The following SUGP1 variants were observed in gnomAD, a reference collection of about 807,000 sequenced individuals.
SUGP1 encodes SURP and G-patch domain containing 1, also known as SURP and G-patch domain-containing protein 1.
Under a neutral mutation model 76.5 loss-of-function variants are expected in SUGP1, and 34 were observed. That is an observed-to-expected ratio of 0.44 (90% confidence interval 0.34 to 0.59). SUGP1 has a LOEUF of 0.59. SUGP1 is among the 20% of genes least tolerant of loss of function. The pLI, the probability that SUGP1 is intolerant of heterozygous loss-of-function variation, is 0.01. For synonymous variants in SUGP1, 326 were observed against 326.2 expected, an observed-to-expected ratio of 1.00 and a Z score of 0.01; for missense variants, 752 against 851.7, an observed-to-expected ratio of 0.88 and a Z score of 1.46.
In SUGP1 at chr19:19,278,031, C is replaced by A. The variant is rs1177213281; in HGVS notation, c.1636-152G>T. The A allele has an allele frequency of 5.2e-6, 5 of 961,866 alleles. No homozygotes were observed. The East Asian group carries it at 1.0e-4, about 20-fold the overall frequency. 59.6% of individuals were successfully genotyped at this position (961,866 alleles called of 1,614,324 possible). A position where few individuals can be genotyped will look rare whatever the true frequency, so the allele number is the denominator to read the frequency against. On this transcript the variant is annotated intron_variant, in intron 11 of 13. Transcript: ENST00000247001. Reference sequence around the variant, plus strand: ...TCAGACTCCTTGAGAACAAACAGACCAAGCTCCTCCTGCTTCTCAGGGTCC... The same window carrying A: ...TCAGACTCCTTGAGAACAAACAGACAAAGCTCCTCCTGCTTCTCAGGGTCC...
chr19:19,303,658 C>T, intron 5 of SUGP1, 66 bp downstream of exon 5: 11 of 1,583,268 alleles, frequency 6.9e-6, no homozygotes, highest in Non-Finnish European at 9.5e-6. Context: ...GCACCCAGCC[C>T]CACACGTGCG....
chr19:19,282,707 T>C (rs1489891617), intron 8 of SUGP1, among the ~76,000 whole-genome samples: 1 of 151,968 alleles, frequency 6.6e-6, no homozygotes, highest in East Asian at 1.9e-4. Context: ...ATTGAAAAAA[T>C]TTTTGGAGAT....
At chr19:19,279,487 G>T in intron 9 of SUGP1, 97 bp from the exon 10 acceptor site, 1 of 1,369,574 alleles carries the variant, frequency 7.3e-7, no homozygotes, top group Non-Finnish European at 9.8e-7. Context: ...ATCCCCCGCC[G>T]GAACGTGGCT....
At chr19:19,301,497 C>A (rs997810473) in intron 7 of SUGP1, among the ~76,000 whole-genome samples, 1 of 152,218 alleles carries the variant, frequency 6.6e-6, no homozygotes, top group South Asian at 2.1e-4. Flanking sequence ...GTGATGAAGT[C>A]TAGGGCTGCT....
At chr19:19,292,899 T>TA (rs1436593833) in intron 8 of SUGP1, among the ~76,000 whole-genome samples, 1 of 152,026 alleles carries the variant, frequency 6.6e-6, no homozygotes, top group Non-Finnish European at 1.5e-5. Context: ...ACGATGATTT[T>TA]ATGTATTTAT....
chr19:19,289,365 G>A (rs920112056), intron 8 of SUGP1, among the ~76,000 whole-genome samples: 4 of 151,990 alleles, frequency 2.6e-5, no homozygotes, highest in African/African-American at 9.7e-5. Context: ...ACTTTGGGAG[G>A]CCGAGGCGGG....
intron 13 of SUGP1, 85 bp from the exon 14 acceptor site, chr19:19,276,759 C>A: frequency 6.3e-7 from 1 of 1,598,712 alleles, no homozygotes; most frequent in Non-Finnish European, 8.5e-7. Flanking sequence ...CCGGAGGCAG[C>A]TGAGCCCGCA....
chr19:19,303,939 G>C lies in SUGP1; in HGVS notation c.539-92C>G, dbSNP rs529571766. ...TATGGACCACAACGACAGAGGGGGT[G>C]GGGGGAGAAGAGTGTGAGATGCAGG... is the stretch of plus-strand genomic sequence containing the variant. On this transcript the variant is annotated intron_variant, in intron 4 of 13. Transcript: ENST00000247001. The C allele has an allele frequency of 1.9e-4, 303 of 1,601,344 alleles. 1 individual carries two copies. The South Asian group carries it at 2.9e-3, about 15-fold the overall frequency.
intron 8 of SUGP1, among the ~76,000 whole-genome samples, chr19:19,282,056 T>G (rs913741978): frequency 6.6e-6 from 1 of 152,194 alleles, no homozygotes; most frequent in Non-Finnish European, 1.5e-5. Flanking sequence ...CTTGGCTCAC[T>G]GCAACCTCCG....
intron 7 of SUGP1, 172 bp downstream of exon 7, chr19:19,302,093 G>A: frequency 9.7e-7 from 1 of 1,027,834 alleles, no homozygotes; most frequent in South Asian, 1.6e-5. Context: ...TGTGTGCGTG[G>A]GACATGCCTG....
chr19:19,299,422 G>A (rs1267001885), intron 7 of SUGP1, among the ~76,000 whole-genome samples: 3 of 151,994 alleles, frequency 2.0e-5, no homozygotes, highest in Non-Finnish European at 2.9e-5. Flanking sequence ...GCCCAGGCTG[G>A]AGTGCAGTGG....
rs1317088403 is a variant in SUGP1 at position 19,310,725 on chromosome 19, C to G, written c.207-525G>C. Among the ~76,000 whole-genome samples, 3 of 152,274 alleles carry G rather than the reference C, an allele frequency of 2.0e-5. No homozygotes were observed. In the East Asian group the frequency reaches 5.8e-4, roughly 29 times the overall value. Reference sequence around the variant, plus strand: ...GTGGGGCAATCTTGGCTCACTGCAACCTCCTCCACCCAGGCTCAAGAGATT... The same window carrying G: ...GTGGGGCAATCTTGGCTCACTGCAAGCTCCTCCACCCAGGCTCAAGAGATT... On this transcript the variant is annotated intron_variant, in intron 2 of 13. Coordinates refer to ENST00000247001, the MANE Select transcript of SUGP1 (RefSeq NM_172231.4).
chr19:19,316,232 T>C (rs1403813274), intron 2 of SUGP1, 190 bp downstream of exon 2: 2 of 688,006 alleles, frequency 2.9e-6, no homozygotes, highest in Non-Finnish European at 4.7e-6. Context: ...GGCTGTCCTC[T>C]GGGCTTCCAC....
intron 3 of SUGP1, among the ~76,000 whole-genome samples, chr19:19,306,494 C>G (rs1438513913): frequency 1.3e-5 from 2 of 152,214 alleles, no homozygotes; most frequent in Non-Finnish European, 2.9e-5. Flanking sequence ...AGCCTGACAC[C>G]TGATGGGGAA....
At chr19:19,278,563 C>T (rs937396443) in intron 11 of SUGP1, 127 bp downstream of exon 11, 8 of 764,720 alleles carry the variant, frequency 1.0e-5, no homozygotes, top group Non-Finnish European at 1.7e-5. Flanking sequence ...CCTCCTGCAG[C>T]GAAAAGGCCT....
At chr19:19,306,475 G>A (rs2061318851) in intron 3 of SUGP1, among the ~76,000 whole-genome samples, 1 of 152,220 alleles carries the variant, frequency 6.6e-6, no homozygotes, top group Non-Finnish European at 1.5e-5. Flanking sequence ...CAGCCTACTG[G>A]GTGTTCTCAG....
chr19:19,277,661 G>A, intron 12 of SUGP1, 73 bp downstream of exon 12: 1 of 1,559,638 alleles, frequency 6.4e-7, no homozygotes, highest in South Asian at 1.2e-5. Context: ...ATAAAGGGGT[G>A]GGAATGGGGA....
At chr19:19,278,510 T>C (rs1287717996) in intron 11 of SUGP1, among the ~76,000 whole-genome samples, 180 bp downstream of exon 11, 1 of 152,082 alleles carries the variant, frequency 6.6e-6, no homozygotes, top group African/African-American at 2.4e-5. Context: ...TGAGCTGCTG[T>C]TTGCTAATTC....
chr19:19,293,063 C>A (rs1238475640), intron 8 of SUGP1, among the ~76,000 whole-genome samples: 1 of 151,812 alleles, frequency 6.6e-6, no homozygotes, highest in Non-Finnish European at 1.5e-5. Flanking sequence ...TGTGCCACCA[C>A]ACCCAGCTAA....
Sources: gnomAD v4.1 joint callset for allele counts (sites outside exome capture counted in the v4.1 genomes callset) on GRCh38, gnomAD v4.1.1 for gene constraint, MANE v1.5 for transcripts, NCBI Gene and HGNC (gene_info 2026-07-23, HGNC 2026-07-21) for gene names.